TRPM1: variants seen among roughly 807,000 people sequenced by gnomAD.
TRPM1 encodes TRPM1-203 APA Isoform, Intron 10.
In TRPM1, 113 loss-of-function variants were observed where a neutral mutation model predicts 149.4. The observed-to-expected ratio is 0.76, with a 90% CI of 0.65 to 0.88. The LOEUF is 0.88. Ranked by LOEUF, TRPM1 falls within the 40% of genes least tolerant of loss-of-function variation. The pLI is 0.00. For synonymous variants in TRPM1, 741 were observed against 759.5 expected (o/e 0.98, Z 0.40); for missense variants, 1,976 against 2,038.7 (o/e 0.97, Z 0.59).
intron 13 of TRPM1, among the ~76,000 whole-genome samples, chr15:31,048,374 C>T (rs947649083): frequency 3.3e-5 from 5 of 152,156 alleles, no homozygotes; most frequent in African/African-American, 1.2e-4. Context: ...TAACCCACAC[C>T]AGCCTTTTTC....
intron 1 of TRPM1, among the ~76,000 whole-genome samples, chr15:31,100,526 A>G (rs1366788008): frequency 6.6e-6 from 1 of 152,228 alleles, no homozygotes; most frequent in Non-Finnish European, 1.5e-5. Flanking sequence ...AAAAGTACAA[A>G]AGATATATTT....
chr15:31,031,834 T>G (rs1303124725), intron 22 of TRPM1, among the ~76,000 whole-genome samples: 1 of 152,154 alleles, frequency 6.6e-6, no homozygotes, highest in African/African-American at 2.4e-5. Flanking sequence ...TCATATTCTC[T>G]GGCCTGTTCT....
At chr15:31,130,011 C>T (rs2035997358) in intron 1 of TRPM1, among the ~76,000 whole-genome samples, 1 of 152,242 alleles carries the variant, frequency 6.6e-6, no homozygotes, top group South Asian at 2.1e-4. Context: ...GGCTGGTCTT[C>T]AGCAGGGATG....
chr15:31,088,426 T>C (rs1183102901), intron 1 of TRPM1, among the ~76,000 whole-genome samples: 4 of 152,330 alleles, frequency 2.6e-5, no homozygotes. Flanking sequence ...TGGCACCACC[T>C]TTAAGAGCTG....
intron 3 of TRPM1, among the ~76,000 whole-genome samples, chr15:31,072,018 T>TATAGAGAGAGAGAGAGAGAG (rs1400392427): frequency 5.4e-5 from 2 of 36,896 alleles, no homozygotes; most frequent in Non-Finnish European, 9.3e-5. Flanking sequence ...TATATATATA[T>TATAGAGAGAGAGAGAGAGAG]AGAGAGAGAG....
intron 26 of TRPM1, 148 bp from the exon 27 acceptor site, chr15:31,026,419 T>C: frequency 1.0e-6 from 1 of 999,058 alleles, no homozygotes; most frequent in Non-Finnish European, 1.5e-6. Flanking sequence ...GATTTTTATC[T>C]AAAAAGGGGT....
At chr15:31,023,477 T>C (rs928228183) in intron 27 of TRPM1, among the ~76,000 whole-genome samples, 2 of 151,984 alleles carry the variant, frequency 1.3e-5, no homozygotes, top group African/African-American at 4.8e-5. Context: ...CAGTGCAACA[T>C]GGATTGAAAC....
intron 16 of TRPM1, among the ~76,000 whole-genome samples, chr15:31,043,168 G>A (rs888508656): frequency 6.6e-6 from 1 of 152,100 alleles, no homozygotes; most frequent in Non-Finnish European, 1.5e-5. Context: ...CCTATCTCAG[G>A]TTGTTCACTA....
chr15:31,049,629 G>A (rs1484572277), intron 12 of TRPM1, 120 bp from the exon 13 acceptor site: 3 of 1,126,902 alleles, frequency 2.7e-6, no homozygotes, highest in African/African-American at 3.1e-5. Flanking sequence ...ACTCCAGCAT[G>A]GTACTCTTTG....
intron 1 of TRPM1, among the ~76,000 whole-genome samples, chr15:31,084,507 C>G (rs2034944193): frequency 6.6e-6 from 1 of 152,086 alleles, no homozygotes; most frequent in Admixed American, 6.5e-5. Flanking sequence ...GTCATGTTTT[C>G]AAGGGTCATC....
rs1439723899 is a variant in TRPM1, at chr15:31,013,064, T to C, written c.3630-9994A>G. Among the ~76,000 whole-genome samples, 4 of 151,400 alleles carry C rather than the reference T, an allele frequency of 2.6e-5. No homozygotes were observed. The East Asian group carries it at 5.8e-4, about 22-fold the overall frequency. On this transcript the variant is annotated intron_variant, in intron 27 of 27. Coordinates refer to ENST00000256552, the MANE Select transcript of TRPM1 (RefSeq NM_001252024.2). ...GGCAAGATCACAGCTCACTGCAGCC[T>C]TGAATTCCTGGGCTCAAGCAATCCT...
chr15:31,111,934 G>A (rs2035695383), intron 1 of TRPM1, among the ~76,000 whole-genome samples: 1 of 152,168 alleles, frequency 6.6e-6, no homozygotes, highest in African/African-American at 2.4e-5. Flanking sequence ...GTAAATCGCA[G>A]TGAAACTTTT....
chr15:31,006,643 G>A (rs1488614931), intron 27 of TRPM1, among the ~76,000 whole-genome samples: 1 of 152,188 alleles, frequency 6.6e-6, no homozygotes, highest in East Asian at 1.9e-4. Flanking sequence ...TTAAATAGCC[G>A]AGATTGCTGA....
In TRPM1 at chr15:31,049,448, T is replaced by G. The variant is rs542831790; in HGVS notation, c.1499A>C (p.Lys500Thr). 8.7e-6 allele frequency: 14 copies of G among 1,614,170 alleles called. No individual in the cohort carries two copies. Among genetic ancestry groups the G allele is most frequent in the South Asian group, 5.5e-5 (5 of 91,082 alleles). ...GTTCACTCCGTTTTCAATCAGGAGC[T>G]TCACAAAGTCGACACGATCTAAGAC... is the stretch of plus-strand genomic sequence containing the variant. ...ALVLDRVDFV[K>T]LLIENGVNMQ... Residue 500 changes from lysine (K) to threonine (T), a missense_variant, in exon 13 of 28, where the codon AAG becomes ACG. Lys to Thr is a moderately conservative substitution (Grantham distance 78, BLOSUM62 -1). Transcript: ENST00000256552.
At chr15:31,016,988 C>CA (rs1555416814) in intron 27 of TRPM1, among the ~76,000 whole-genome samples, 160 of 102,608 alleles carry the variant, frequency 1.6e-3, no homozygotes, top group African/African-American at 8.1e-3. Context: ...CACACACACA[C>CA]AAAAAAAAAA....
chr15:31,090,703 G>C (rs1275159128), intron 1 of TRPM1, among the ~76,000 whole-genome samples: 1 of 151,828 alleles, frequency 6.6e-6, no homozygotes, highest in Non-Finnish European at 1.5e-5. Context: ...AAGTCTGAAT[G>C]GTGCTGGAAA....
chr15:31,158,098 G>A (rs1406417927), intron 1 of TRPM1, among the ~76,000 whole-genome samples: 1 of 152,018 alleles, frequency 6.6e-6, no homozygotes, highest in African/African-American at 2.4e-5. Flanking sequence ...CAGAGGTATT[G>A]TCTTTCATTC....
At chr15:31,112,695 T>C (rs544412881) in intron 1 of TRPM1, among the ~76,000 whole-genome samples, 10 of 152,122 alleles carry the variant, frequency 6.6e-5, no homozygotes, top group African/African-American at 1.9e-4. Context: ...AAAGGTGATA[T>C]TCTCTAAACT....
In TRPM1 at chr15:31,055,027, G is replaced by A. The variant is rs1439965527; in HGVS notation, c.1264-4445C>T. On this transcript the variant is annotated intron_variant, in intron 11 of 27. Transcript: ENST00000256552. The stretch of plus-strand genomic sequence containing the variant: ...CAGAAAATATAGATAGAAGAATTTT[G>A]TCTAGTAATATATAGCAAATCAGAC... Among the ~76,000 whole-genome samples, 8 of 152,176 alleles carry A rather than the reference G, an allele frequency of 5.3e-5. 1 individual carries two copies. The highest frequency in any genetic ancestry group is 1.9e-4 in the African/African-American group (8 of 41,526).
Sources: allele counts gnomAD v4.1 joint callset (sites outside exome capture counted in the v4.1 genomes callset), GRCh38; gene constraint gnomAD v4.1.1; transcripts MANE v1.5; gene names NCBI Gene and HGNC (gene_info 2026-07-23, HGNC 2026-07-21).